Variants in SIX5 observed in about 807,000 individuals in gnomAD.
SIX5 encodes the protein SIX homeobox 5, also known as homeobox protein SIX5.
SIX5 carries 21 observed loss-of-function variants against 37.1 expected under a neutral mutation model. The observed-to-expected ratio is 0.57, with a 90% CI of 0.40 to 0.81. SIX5 has a LOEUF of 0.81. SIX5 is among the 40% of genes least tolerant of loss of function. The pLI is 0.00. For missense variants in SIX5, 1,137 were observed against 1,025.1 expected, an observed-to-expected ratio of 1.11 and a Z score of -1.49; for synonymous variants, 626 against 505.9, an observed-to-expected ratio of 1.24 and a Z score of -3.19.
Position 45,766,902 on chromosome 19 carries a change from C to G in SIX5, c.1057G>C (p.Ala353Pro). 6.4e-7 allele frequency: 1 copy of G among 1,552,654 alleles called. No homozygotes were observed. The highest frequency in any genetic ancestry group is 8.7e-7 in the Non-Finnish European group (1 of 1,151,634). ...AGCAGCAGCGGGCCCAGGCTGGAGG[C>G]CTCGCCCAGGGCCAGGCCGTTGATG... ...VIINGLALGE[A>P]SSLGPLLLTG... is the part of the protein sequence containing the mutation. Residue 353 changes from alanine to proline, a missense_variant, in exon 2 of 3, where the codon GCC (alanine) becomes CCC (proline). Ala to Pro is a conservative substitution (Grantham distance 27, BLOSUM62 -1). Transcript: ENST00000317578.
intron 1 of SIX5, 42 bp from the exon 2 acceptor site, chr19:45,767,197 T>A: frequency 1.3e-6 from 2 of 1,591,536 alleles, no homozygotes; most frequent in Non-Finnish European, 1.7e-6. Context: ...CCTTAGCCTG[T>A]GGGGCCTCCC....
At position 45,768,963 on chromosome 19, in the gene SIX5, C is replaced by G; in HGVS notation, c.-119G>C. The G allele has an allele frequency of 7.1e-6, 7 of 979,240 alleles. No individual in the cohort carries two copies. Among genetic ancestry groups the G allele is most frequent in the Non-Finnish European group, 1.0e-5 (7 of 679,404 alleles). The allele number at this position is 979,240 out of a possible 1,614,324, so 60.7% of individuals were successfully genotyped here. A position where few individuals can be genotyped will look rare whatever the true frequency, so the allele number is the denominator to read the frequency against. ...CTCCCCGCTCTTCTCGATCTTCTTT[C>G]TGGCCGACCCTGCGCCCCACGCCGG... On this transcript the variant is annotated 5_prime_UTR_variant, in exon 1 of 3. Coordinates refer to ENST00000317578, the MANE Select transcript of SIX5 (RefSeq NM_175875.5).
In SIX5 at chr19:45,767,854, G is replaced by A. The variant is rs1236716631; in HGVS notation, c.803+188C>T. 19 of 605,458 alleles carry A rather than the reference G, an allele frequency of 3.1e-5. 1 individual carries two copies. The highest frequency in any genetic ancestry group is 2.6e-4 in the South Asian group (13 of 49,182). 37.5% of individuals were successfully genotyped at this position (605,458 alleles called of 1,614,324 possible). A position where few individuals can be genotyped will look rare whatever the true frequency, so the allele number is the denominator to read the frequency against. ...AAGAGGAGACGCGTGCGGGGAGAGG[G>A]CCCGGGCGGGTGCCTGTCCCGTCCA... On this transcript the variant is annotated intron_variant, in intron 1 of 2. Coordinates refer to ENST00000317578, the MANE Select transcript of SIX5 (RefSeq NM_175875.5).
chr19:45,765,507 T>C lies in SIX5; in HGVS notation c.2214A>G (p.Glu738=). 6.2e-7 allele frequency: 1 copy of C among 1,613,348 alleles called. No individual in the cohort carries two copies. The highest frequency in any genetic ancestry group is 8.5e-7 in the Non-Finnish European group (1 of 1,180,002). The part of the protein sequence containing the change: ...LQSVPVEEPL[E]L ...GCCACGGGGCCACACTGGGTCACAG[T>C]TCCAAGGGCTCCTCCACAGGCACCG... is the stretch of plus-strand genomic sequence containing the variant. The change falls in exon 3 of 3, where the codon GAA becomes GAG. Residue 738 remains glutamate, a synonymous_variant. Coordinates refer to ENST00000317578, the MANE Select transcript of SIX5 (RefSeq NM_175875.5).
chr19:45,767,194 C>A (rs1969096507), intron 1 of SIX5, 39 bp from the exon 2 acceptor site: 1 of 1,594,268 alleles, frequency 6.3e-7, no homozygotes, highest in East Asian at 2.3e-5. Context: ...GTCCCTTAGC[C>A]TGTGGGGCCT....
At chr19:45,767,739 T>G in intron 1 of SIX5, 1 of 483,146 alleles carries the variant, frequency 2.1e-6, no homozygotes, top group Non-Finnish European at 3.7e-6. Context: ...ACAGGCCCTG[T>G]CCTTTTTCCT....
In SIX5 at chr19:45,766,488, C is replaced by G; in HGVS notation, c.1471G>C (p.Val491Leu). 6.6e-7 allele frequency: 1 copy of G among 1,517,102 alleles called. No individual in the cohort carries two copies. The highest frequency in any genetic ancestry group is 1.8e-4 in the Middle Eastern group (1 of 5,570). 94.0% of individuals were successfully genotyped at this position (1,517,102 alleles called of 1,614,324 possible). A position where few individuals can be genotyped will look rare whatever the true frequency, so the allele number is the denominator to read the frequency against. Reference protein sequence around the residue: ...TSQVVTLPQAVGPLQLLAAGP... With the variant: ...TSQVVTLPQALGPLQLLAAGP... ...GCTGCCAACAGCTGCAGGGGCCCCA[C>G]AGCCTGGGGCAGGGTCACCACCTGT... Residue 491 changes from valine to leucine, a missense_variant, in exon 2 of 3, where the codon GTG becomes CTG. This residue lies in a region of SIX5 where 787 missense variants were observed against 621.4 expected (regional missense o/e 1.27). Coordinates refer to ENST00000317578, the MANE Select transcript of SIX5 (RefSeq NM_175875.5).
chr19:45,767,634 C>T (rs1217488603), intron 1 of SIX5, among the ~76,000 whole-genome samples: 3 of 152,216 alleles, frequency 2.0e-5, no homozygotes, highest in Admixed American at 6.5e-5. Flanking sequence ...ACCACGCCGT[C>T]CGGGCCCGGA....
rs367749386 is a variant in SIX5, at chr19:45,765,934, G to C, written c.1787C>G (p.Pro596Arg). 13 of 1,593,234 alleles carry C rather than the reference G, an allele frequency of 8.2e-6. No individual in the cohort carries two copies. The highest frequency in any genetic ancestry group is 1.0e-5 in the Non-Finnish European group (12 of 1,169,404). The change falls in exon 3 of 3, where the codon CCT becomes CGT. Residue 596 changes from proline (P) to arginine (R), a missense_variant. Pro to Arg is a moderately radical substitution (Grantham distance 103). Coordinates refer to ENST00000317578, the MANE Select transcript of SIX5 (RefSeq NM_175875.5). ...GGGGGCCACCGGGAGGCCTCCCTCAGGCACGGAGATGGCCGTCTCTGGCTT... is the reference window on the plus strand; with the variant it reads ...GGGGGCCACCGGGAGGCCTCCCTCACGCACGGAGATGGCCGTCTCTGGCTT... ...PLKPETAISV[P>R]EGGLPVAPSP...
Position 45,766,333 on chromosome 19 carries a change from G to T in SIX5, c.1609+17C>A. On this transcript the variant is annotated intron_variant, in intron 2 of 2. Transcript: ENST00000317578. Reference sequence around the variant, plus strand: ...CCCCGGCTCTCACCTAGGCCTGAGGGAGGGAGATGGGGGTACCTGGGGCAG... The same window carrying T: ...CCCCGGCTCTCACCTAGGCCTGAGGTAGGGAGATGGGGGTACCTGGGGCAG... The T allele has an allele frequency of 1.3e-6, 2 of 1,568,536 alleles. No homozygotes were observed. The highest frequency in any genetic ancestry group is 2.4e-5 in the East Asian group (1 of 42,280).
In SIX5 at chr19:45,768,072, G is replaced by C; in HGVS notation, c.773C>G (p.Thr258Ser). 6.3e-7 allele frequency: 1 copy of C among 1,599,352 alleles called. No homozygotes were observed. The highest frequency in any genetic ancestry group is 1.1e-5 in the South Asian group (1 of 90,868). Reference sequence around the variant, plus strand: ...GCAGGGCGCGCCGCCTCCGGCCCCGGTCCGGTCGCGCTGTCGCCGGTTCTT... The same window carrying C: ...GCAGGGCGCGCCGCCTCCGGCCCCGCTCCGGTCGCGCTGTCGCCGGTTCTT... ...WFKNRRQRDR[T>S]GAGGGAPCKS... Residue 258 changes from threonine (T) to serine (S), a missense_variant, in exon 1 of 3, where the codon ACC becomes AGC. Thr to Ser is a moderately conservative substitution (Grantham distance 58). Around this residue, in one of 3 missense-constraint regions of SIX5, gnomAD observed 19 missense variants for 42.8 expected, o/e 0.44. Coordinates refer to ENST00000317578, the MANE Select transcript of SIX5 (RefSeq NM_175875.5).
Position 45,765,668 on chromosome 19 carries a change from GCC to G in SIX5, c.2051_2052del (p.Gly684AlafsTer18), listed in dbSNP as rs1419678069. ...GTEGLLEAEK[G>X]LGTQAPHTVL... is the part of the protein sequence containing the mutation. ...ACGGTGTGGGGGGCCTGTGTCCCCAGCCCCTTTTCCGCTTCCAGCAGCCCCTC... is the reference window on the plus strand; with the variant it reads ...ACGGTGTGGGGGGCCTGTGTCCCCAGCCTTTTCCGCTTCCAGCAGCCCCTC... On this transcript the variant is annotated frameshift_variant, in exon 3 of 3. Transcript: ENST00000317578. LOFTEE classifies it high-confidence loss of function. 3 of 1,612,668 alleles carry G rather than the reference GCC, an allele frequency of 1.9e-6. No homozygotes were observed. The highest frequency in any genetic ancestry group is 2.5e-6 in the Non-Finnish European group (3 of 1,179,606).
Position 45,769,044 on chromosome 19 carries a change from C to T in SIX5, c.-200G>A, listed in dbSNP as rs1304943335. ...TCTGTCCCCTTGTGTGTGTCCGTCCCCCTCCCGTCTGTCTGTGATTCTCCC... is the reference window on the plus strand; with the variant it reads ...TCTGTCCCCTTGTGTGTGTCCGTCCTCCTCCCGTCTGTCTGTGATTCTCCC... On this transcript the variant is annotated 5_prime_UTR_variant, in exon 1 of 3. Transcript: ENST00000317578. The T allele has an allele frequency of 9.2e-6, 5 of 542,212 alleles. No individual in the cohort carries two copies. Among genetic ancestry groups the T allele is most frequent in the African/African-American group, 5.9e-5 (3 of 51,122 alleles). The allele number at this position is 542,212 out of a possible 1,614,324, so 33.6% of individuals were successfully genotyped here.
rs111513344 is a variant in SIX5 at position 45,768,887 on chromosome 19, C to T, written c.-43G>A. On this transcript the variant is annotated 5_prime_UTR_variant, in exon 1 of 3. Transcript: ENST00000317578. The stretch of plus-strand genomic sequence containing the variant: ...AGTTCCTCCCTCCCTCTCTTCCTCC[C>T]TCGGGCTTTCCCCAGCCTCCTCCCC... 1.2e-3 allele frequency: 1,772 copies of T among 1,512,988 alleles called. 2 individuals carry two copies. The highest frequency in any genetic ancestry group is 5.1e-3 in the Middle Eastern group (25 of 4,892). The allele number at this position is 1,512,988 out of a possible 1,614,324, so 93.7% of individuals were successfully genotyped here.
chr19:45,766,149 G>C (rs1969068943), intron 2 of SIX5, 38 bp from the exon 3 acceptor site: 1 of 1,598,196 alleles, frequency 6.3e-7, no homozygotes, highest in African/African-American at 1.3e-5. Context: ...GTGAGAGCCA[G>C]GAGAGCAGGC....
chr19:45,764,947 G>A lies in SIX5; in HGVS notation c.*554C>T, dbSNP rs867983171. The A allele has an allele frequency of 1.1e-5, 2 of 185,190 alleles. No homozygotes were observed. Among genetic ancestry groups the A allele is most frequent in the South Asian group, 1.2e-4 (1 of 8,634 alleles). 11.5% of individuals were successfully genotyped at this position (185,190 alleles called of 1,614,324 possible). On this transcript the variant is annotated 3_prime_UTR_variant, in exon 3 of 3. Transcript: ENST00000317578. ...GATAATGAGGACAAGGGCTTGAGTC[G>A]AGGGGAGCTGGTGAAGGAAGACCCC...
In SIX5 at chr19:45,766,377, G is replaced by C. The variant is rs780053382; in HGVS notation, c.1582C>G (p.Leu528Val). Residue 528 changes from leucine to valine, a missense_variant, in exon 2 of 3, where the codon CTG becomes GTG. Around this residue, in one of 3 missense-constraint regions of SIX5, gnomAD observed 787 missense variants for 621.4 expected, o/e 1.27. Coordinates refer to ENST00000317578, the MANE Select transcript of SIX5 (RefSeq NM_175875.5). ...GGGGCAGTGGCCGAAGGCAGCTGCA[G>C]GGCAGTCACGCCCACCCCGGAGTTG... ...LINSGVGVTA[L>V]QLPSATAPGN... is the part of the protein sequence containing the mutation. 204 of 1,590,720 alleles carry C rather than the reference G, an allele frequency of 1.3e-4. 1 individual carries two copies. Among genetic ancestry groups the C allele is most frequent in the Non-Finnish European group, 1.7e-4 (202 of 1,170,092 alleles).
At position 45,769,247 on chromosome 19, in the gene SIX5, C is replaced by T. The variant is rs548961439; in HGVS notation, c.-403G>A. ...TCTGCACGCCTCCGTCTCCAGGGTC[C>T]TCTGCAGGCCCCCACATTCCCCATC... On this transcript the variant is annotated 5_prime_UTR_variant, in exon 1 of 3. Coordinates refer to ENST00000317578, the MANE Select transcript of SIX5 (RefSeq NM_175875.5). The T allele has an allele frequency of 3.2e-5, 6 of 188,058 alleles. No individual in the cohort carries two copies. Among genetic ancestry groups the T allele is most frequent in the Admixed American group, 3.1e-4 (5 of 16,140 alleles). 11.6% of individuals were successfully genotyped at this position (188,058 alleles called of 1,614,324 possible). A position where few individuals can be genotyped will look rare whatever the true frequency, so the allele number is the denominator to read the frequency against.
At chr19:45,767,935 G>A in intron 1 of SIX5, 107 bp downstream of exon 1, 2 of 1,197,752 alleles carry the variant, frequency 1.7e-6, no homozygotes, top group Non-Finnish European at 2.3e-6. Flanking sequence ...CCCGGGAGAT[G>A]TCCGAGGACC....
Sources: gnomAD v4.1 joint callset for allele counts (sites outside exome capture counted in the v4.1 genomes callset) on GRCh38, gnomAD v4.1.1 for gene constraint, gnomAD v4.1.1 regional missense constraint, MANE v1.5 for transcripts, NCBI Gene and HGNC (gene_info 2026-07-23, HGNC 2026-07-21) for gene names.